RALYL: variants seen among roughly 807,000 people sequenced by gnomAD.
RALYL encodes RNA-binding Raly-like protein.
A neutral mutation model predicts 35.1 loss-of-function variants in RALYL; 29 were observed. That is an observed-to-expected ratio of 0.83 (90% CI 0.61 to 1.13). The LOEUF (loss-of-function observed/expected upper bound fraction) is 1.13, where lower values mean the gene tolerates loss of function less well. Ranked by LOEUF, RALYL falls within the 50% of genes most tolerant of loss-of-function variation. The pLI, the probability that RALYL is intolerant of heterozygous loss-of-function variation, is 0.00. For synonymous variants in RALYL, 120 were observed against 127.6 expected (o/e 0.94, Z 0.40); for missense variants, 359 against 360.4 (o/e 1.00, Z 0.03).
chr8:84,371,282 T>C (rs748135927), intron 1 of RALYL, among the ~76,000 whole-genome samples: 1 of 152,040 alleles, frequency 6.6e-6, no homozygotes, highest in African/African-American at 2.4e-5. Context: ...ATGAAACAGA[T>C]ATACAGCAAT....
intron 1 of RALYL, among the ~76,000 whole-genome samples, chr8:84,424,164 C>G (rs1428286003): frequency 6.7e-6 from 1 of 150,354 alleles, no homozygotes; most frequent in African/African-American, 2.4e-5. Flanking sequence ...TGGTTCCATT[C>G]TCCCCATCAC....
At chr8:84,518,493 A>G (rs779508710) in intron 1 of RALYL, among the ~76,000 whole-genome samples, 1 of 152,194 alleles carries the variant, frequency 6.6e-6, no homozygotes, top group Non-Finnish European at 1.5e-5. Context: ...TTGCATCTAC[A>G]GTCATAGCAG....
chr8:84,602,551 C>T, intron 2 of RALYL, among the ~76,000 whole-genome samples: 1 of 152,082 alleles, frequency 6.6e-6, no homozygotes. Context: ...GTATTGGAGG[C>T]ATTTGTCCAC....
chr8:84,301,556 C>A (rs1216118268), intron 1 of RALYL, among the ~76,000 whole-genome samples: 4 of 152,018 alleles, frequency 2.6e-5, no homozygotes, highest in African/African-American at 7.2e-5. Context: ...TATGTTGAAA[C>A]TCACAACGTG....
intron 2 of RALYL, among the ~76,000 whole-genome samples, chr8:84,607,816 A>G (rs951959785): frequency 2.6e-5 from 4 of 152,032 alleles, no homozygotes; most frequent in Non-Finnish European, 4.4e-5. Flanking sequence ...GTCAAGGTTC[A>G]TTTTTCTCTT....
At chr8:84,796,054 T>C (rs1048895065) in intron 3 of RALYL, among the ~76,000 whole-genome samples, 1 of 152,028 alleles carries the variant, frequency 6.6e-6, no homozygotes, top group Non-Finnish European at 1.5e-5. Context: ...GGCACGAGAG[T>C]CCACTGTGAG....
chr8:84,854,294 C>T (rs1344840440), intron 5 of RALYL, among the ~76,000 whole-genome samples: 1 of 151,026 alleles, frequency 6.6e-6, no homozygotes, highest in East Asian at 1.9e-4. Flanking sequence ...TGCAGTGAGC[C>T]GAGATCGTGC....
At chr8:84,527,047 G>A (rs1273441043) in intron 1 of RALYL, among the ~76,000 whole-genome samples, 1 of 152,144 alleles carries the variant, frequency 6.6e-6, no homozygotes, top group Admixed American at 6.5e-5. Context: ...ATTAAACTAT[G>A]AATTGAGGCC....
intron 4 of RALYL, among the ~76,000 whole-genome samples, chr8:84,822,898 C>A (rs1828829759): frequency 6.6e-6 from 1 of 152,036 alleles, no homozygotes; most frequent in South Asian, 2.1e-4. Flanking sequence ...TTTTGAATAT[C>A]AATTCAGTTA....
intron 2 of RALYL, among the ~76,000 whole-genome samples, chr8:84,638,696 A>G (rs1162316494): frequency 8.0e-5 from 12 of 150,862 alleles, no homozygotes; most frequent in Admixed American, 7.3e-4. Flanking sequence ...CCTCAACCCT[A>G]TGCAGTGTAC....
At chr8:84,651,222 A>C (rs983810774) in intron 2 of RALYL, among the ~76,000 whole-genome samples, 17 of 151,822 alleles carry the variant, frequency 1.1e-4, no homozygotes, top group African/African-American at 4.1e-4. Context: ...AAAGTATAAT[A>C]ATAATAAAAT....
chr8:84,368,143 T>C (rs1563801396), intron 1 of RALYL, among the ~76,000 whole-genome samples: 1 of 152,174 alleles, frequency 6.6e-6, no homozygotes, highest in African/African-American at 2.4e-5. Context: ...TGAGAATTTG[T>C]AACTGAAAAA....
intron 2 of RALYL, among the ~76,000 whole-genome samples, chr8:84,754,689 T>C (rs1047534805): frequency 2.0e-5 from 3 of 150,460 alleles, no homozygotes; most frequent in Non-Finnish European, 4.4e-5. Flanking sequence ...AACTATTGCA[T>C]GCTCTCAAAA....
At chr8:84,809,838 C>T (rs547977403) in intron 4 of RALYL, among the ~76,000 whole-genome samples, 47 of 152,100 alleles carry the variant, frequency 3.1e-4, no homozygotes, top group Admixed American at 1.0e-3. Flanking sequence ...CCTCCTGTTT[C>T]GTTTCTTAAT....
chr8:84,656,785 A>G (rs1403966671), intron 2 of RALYL, among the ~76,000 whole-genome samples: 1 of 152,180 alleles, frequency 6.6e-6, no homozygotes, highest in Non-Finnish European at 1.5e-5. Context: ...GAGAAAAAAT[A>G]TATTTTAAAA....
chr8:84,242,443 A>G (rs1473338991), intron 1 of RALYL, among the ~76,000 whole-genome samples: 1 of 152,198 alleles, frequency 6.6e-6, no homozygotes, highest in Non-Finnish European at 1.5e-5. Context: ...TGGTTGAACT[A>G]ATTTACATTC....
chr8:84,910,865 A>C (rs899403647), intron 8 of RALYL, among the ~76,000 whole-genome samples: 2 of 152,020 alleles, frequency 1.3e-5, no homozygotes, highest in Non-Finnish European at 2.9e-5. Context: ...TAACTTTGAG[A>C]TAAGGCCCAA....
intron 1 of RALYL, among the ~76,000 whole-genome samples, chr8:84,353,858 T>C (rs1851352699): frequency 6.7e-6 from 1 of 150,026 alleles, no homozygotes; most frequent in Admixed American, 6.6e-5. Context: ...GTCATAAATG[T>C]CTTTGTTCCT....
chr8:84,700,564 T>A (rs1840010110), intron 2 of RALYL, among the ~76,000 whole-genome samples: 1 of 152,106 alleles, frequency 6.6e-6, no homozygotes, highest in South Asian at 2.1e-4. Context: ...TATTTTTCCC[T>A]AATTTGAACC....
Sources: gnomAD v4.1 joint callset for allele counts (sites outside exome capture counted in the v4.1 genomes callset) on GRCh38, gnomAD v4.1.1 for gene constraint, MANE v1.5 for transcripts, NCBI Gene and HGNC (gene_info 2026-07-23, HGNC 2026-07-21) for gene names.